The following CDK6 variants were observed in gnomAD, a reference collection of about 807,000 sequenced individuals.
CDK6 encodes the protein cyclin dependent kinase 6.
A neutral mutation model predicts 37.1 loss-of-function variants in CDK6; 6 were observed. The ratio of observed to expected loss-of-function variants is 0.16; its 90% CI spans 0.09 to 0.32. The LOEUF (loss-of-function observed/expected upper bound fraction) is 0.32. CDK6 is among the 10% of genes least tolerant of loss of function. CDK6 has a pLI of 1.00. For synonymous variants in CDK6, 160 were observed against 161.3 expected (o/e 0.99, Z 0.06); for missense variants, 224 against 418.9 (o/e 0.53, Z 4.06).
At chr7:92,712,707 T>C (rs1798124606) in intron 4 of CDK6, among the ~76,000 whole-genome samples, 1 of 152,240 alleles carries the variant, frequency 6.6e-6, no homozygotes, top group Non-Finnish European at 1.5e-5. Context: ...TTAAATGGAC[T>C]ATTCAATCTT....
At chr7:92,821,984 C>T (rs1476386612) in intron 2 of CDK6, among the ~76,000 whole-genome samples, 1 of 151,988 alleles carries the variant, frequency 6.6e-6, no homozygotes, top group African/African-American at 2.4e-5. Context: ...ATACATATTA[C>T]ATGGACATCC....
chr7:92,817,749 A>C (rs1801067309), intron 2 of CDK6, among the ~76,000 whole-genome samples: 1 of 151,904 alleles, frequency 6.6e-6, no homozygotes, highest in Admixed American at 6.6e-5. Flanking sequence ...ATGTAAAAAA[A>C]CTAAAATTTA....
chr7:92,805,671 G>A (rs533671484), intron 2 of CDK6, among the ~76,000 whole-genome samples: 2 of 152,128 alleles, frequency 1.3e-5, no homozygotes. Context: ...ACTTCGAAAC[G>A]ATTTAAGAAC....
intron 4 of CDK6, among the ~76,000 whole-genome samples, chr7:92,713,026 T>C (rs1798137562): frequency 6.6e-6 from 1 of 152,026 alleles, no homozygotes; most frequent in Non-Finnish European, 1.5e-5. Context: ...ACCTGGCTAA[T>C]TTTTGTATTT....
At chr7:92,820,082 A>C (rs990224351) in intron 2 of CDK6, among the ~76,000 whole-genome samples, 8 of 152,136 alleles carry the variant, frequency 5.3e-5, no homozygotes, top group Non-Finnish European at 8.8e-5. Flanking sequence ...ATGTAGACAC[A>C]TAGTATTTCT....
chr7:92,667,388 G>C (rs1386533662), intron 5 of CDK6, among the ~76,000 whole-genome samples: 1 of 151,840 alleles, frequency 6.6e-6, no homozygotes, highest in Admixed American at 6.6e-5. Flanking sequence ...GCAGAGATGG[G>C]GGTCTCACTA....
In CDK6 at chr7:92,623,075, C is replaced by G. The variant is rs369229292; in HGVS notation, c.659G>C (p.Arg220Pro). The G allele has an allele frequency of 6.3e-7, 1 of 1,581,928 alleles. No homozygotes were observed. The highest frequency in any genetic ancestry group is 1.1e-5 in the South Asian group (1 of 89,018). Residue 220 changes from arginine to proline, a missense_variant, in exon 6 of 8, where the codon CGT (arginine) becomes CCT (proline). Arg to Pro is a moderately radical substitution (Grantham distance 103). This residue lies in a region of CDK6 where 90 missense variants were observed against 136.2 expected (regional missense o/e 0.66). Coordinates refer to ENST00000424848, the MANE Select transcript of CDK6 (RefSeq NM_001145306.2). ...AEMFRRKPLF[R>P]GSSDVDQLGK... ...TAGTTGATCAACATCTGAACTTCCA[C>G]GAAAAAGAGGCCTAAAAGAATAAAG...
chr7:92,751,290 T>C (rs544488484), intron 3 of CDK6, among the ~76,000 whole-genome samples: 2 of 152,294 alleles, frequency 1.3e-5, no homozygotes, highest in East Asian at 3.9e-4. Context: ...CTTTGGATAC[T>C]AGATTATTGC....
chr7:92,608,308 A>G lies in CDK6; in HGVS notation c.*6832T>C, dbSNP rs1327730552. On this transcript the variant is annotated 3_prime_UTR_variant, in exon 8 of 8. Transcript: ENST00000424848. ...ACTCACACGGAAGATTCCTCTCAACATGAAAATCCCCTGCTACATGAGATA... is the reference window on the plus strand; with the variant it reads ...ACTCACACGGAAGATTCCTCTCAACGTGAAAATCCCCTGCTACATGAGATA... The G allele has an allele frequency of 1.7e-5, 4 of 232,120 alleles. No homozygotes were observed. In the Admixed American group the frequency reaches 2.3e-4, roughly 13 times the overall value. The allele number at this position is 232,120 out of a possible 1,614,324, so 14.4% of individuals were successfully genotyped here. A position where few individuals can be genotyped will look rare whatever the true frequency, so the allele number is the denominator to read the frequency against.
At chr7:92,661,360 G>T in intron 5 of CDK6, among the ~76,000 whole-genome samples, 1 of 152,158 alleles carries the variant, frequency 6.6e-6, no homozygotes, top group East Asian at 1.9e-4. Context: ...GCTGACCCTC[G>T]AACAACATGG....
At chr7:92,710,195 C>T (rs1308717211) in intron 4 of CDK6, among the ~76,000 whole-genome samples, 1 of 152,160 alleles carries the variant, frequency 6.6e-6, no homozygotes, top group East Asian at 1.9e-4. Context: ...ATATGCTTAT[C>T]TACAGACTGA....
chr7:92,765,034 T>C (rs1416249591), intron 3 of CDK6, among the ~76,000 whole-genome samples: 1 of 152,216 alleles, frequency 6.6e-6, no homozygotes, highest in Non-Finnish European at 1.5e-5. Context: ...AAATATAGTA[T>C]AGTACTTCAA....
intron 4 of CDK6, among the ~76,000 whole-genome samples, chr7:92,692,756 C>T (rs1197704681): frequency 6.6e-6 from 1 of 152,126 alleles, no homozygotes; most frequent in Non-Finnish European, 1.5e-5. Flanking sequence ...CCACTGCACT[C>T]CAGCCTGAAT....
intron 5 of CDK6, among the ~76,000 whole-genome samples, chr7:92,630,256 G>T (rs1796021143): frequency 1.4e-5 from 2 of 147,898 alleles, no homozygotes; most frequent in Admixed American, 6.8e-5. Context: ...TATACTTTTT[G>T]ATATTTTTTC....
chr7:92,797,542 G>T (rs181769428), intron 2 of CDK6, among the ~76,000 whole-genome samples: 24 of 152,216 alleles, frequency 1.6e-4, no homozygotes, highest in African/African-American at 5.5e-4. Flanking sequence ...CACAGAATTG[G>T]CTCCCTATGT....
At chr7:92,674,690 G>C (rs1459001313) in intron 4 of CDK6, among the ~76,000 whole-genome samples, 1 of 152,224 alleles carries the variant, frequency 6.6e-6, no homozygotes, top group Non-Finnish European at 1.5e-5. Flanking sequence ...GGTTCCACTT[G>C]AGTGGTTGAC....
At chr7:92,628,308 T>C (rs1450541606) in intron 5 of CDK6, among the ~76,000 whole-genome samples, 4 of 151,994 alleles carry the variant, frequency 2.6e-5, no homozygotes, top group African/African-American at 9.7e-5. Flanking sequence ...CCCGACAACA[T>C]TGCCTCTTGC....
At chr7:92,681,015 C>T (rs1797323533) in intron 4 of CDK6, among the ~76,000 whole-genome samples, 1 of 152,168 alleles carries the variant, frequency 6.6e-6, no homozygotes, top group African/African-American at 2.4e-5. Flanking sequence ...CAGTAATTAT[C>T]TGATAGCTAG....
intron 2 of CDK6, among the ~76,000 whole-genome samples, chr7:92,815,254 T>TC (rs139257065): frequency 0.14 from 20,888 of 152,190 alleles, 2,332 homozygotes; most frequent in African/African-American, 0.3. Flanking sequence ...CAGCCATTTT[T>TC]CCAGCCACCC....
Sources: gnomAD v4.1 joint callset for allele counts (sites outside exome capture counted in the v4.1 genomes callset) on GRCh38, gnomAD v4.1.1 for gene constraint, gnomAD v4.1.1 regional missense constraint, MANE v1.5 for transcripts, NCBI Gene and HGNC (gene_info 2026-07-23, HGNC 2026-07-21) for gene names.